ZNF431: variants seen among roughly 807,000 people sequenced by gnomAD.
ZNF431 encodes the protein zinc finger protein 431.
Under a neutral mutation model 57.0 loss-of-function variants are expected in ZNF431, and 34 were observed. That is an observed-to-expected ratio of 0.60 (90% confidence interval 0.45 to 0.79). ZNF431 has a LOEUF of 0.79. ZNF431 is among the 30% of genes least tolerant of loss of function. The probability of loss-of-function intolerance (pLI) is 0.00; values close to 1 mark genes in which losing one functional copy is unlikely to be tolerated. For synonymous variants in ZNF431, 207 were observed against 220.3 expected, an observed-to-expected ratio of 0.94 and a Z score of 0.54; for missense variants, 607 against 667.1, an observed-to-expected ratio of 0.91 and a Z score of 0.99.
chr19:21,177,477 T>C (rs1012872688), intron 4 of ZNF431, among the ~76,000 whole-genome samples: 19 of 152,174 alleles, frequency 1.2e-4, no homozygotes, highest in African/African-American at 4.3e-4. Flanking sequence ...TCCAGCTTTG[T>C]GTTTTTTGCC....
rs762889029 is a variant in ZNF431, at chr19:21,183,260, A to G, written c.957A>G (p.Glu319=). The G allele has an allele frequency of 1.2e-6, 2 of 1,613,988 alleles. No individual in the cohort carries two copies. Among genetic ancestry groups the G allele is most frequent in the Non-Finnish European group, 1.7e-6 (2 of 1,179,972 alleles). The change falls in exon 5 of 5, where the codon GAA becomes GAG. Residue 319 remains glutamate (E), a synonymous_variant. Coordinates refer to ENST00000311048, the MANE Select transcript of ZNF431 (RefSeq NM_133473.4). ...CTGGAGAGAAGCCCTACAAATGTGA[A>G]GAATGTGGCAAAGCTTTTAACCAGT... ...IHTGEKPYKC[E]ECGKAFNQSS... is the part of the protein sequence containing the mutation.
intron 2 of ZNF431, among the ~76,000 whole-genome samples, chr19:21,149,473 A>G (rs894381668): frequency 1.3e-5 from 2 of 152,170 alleles, no homozygotes; most frequent in African/African-American, 2.4e-5. Flanking sequence ...CGCTCTTACT[A>G]TTTTTAAACC....
chr19:21,171,712 ATTTTTTT>A (rs550012306), intron 4 of ZNF431, among the ~76,000 whole-genome samples: 14 of 90,908 alleles, frequency 1.5e-4, no homozygotes, highest in South Asian at 3.4e-4. Context: ...ATATATATAT[ATTTTTTT>A]TTTTTTTTTT....
Position 21,189,016 on chromosome 19 carries a change from AT to A in ZNF431, c.*4987del, listed in dbSNP as rs1568320721. The A allele has an allele frequency of 6.6e-6, 1 of 152,198 alleles. No homozygotes were observed. Among genetic ancestry groups the A allele is most frequent in the Admixed American group, 6.5e-5 (1 of 15,276 alleles). The allele number at this position is 152,198 out of a possible 1,614,324, so 9.4% of individuals were successfully genotyped here. A position where few individuals can be genotyped will look rare whatever the true frequency, so the allele number is the denominator to read the frequency against. ...GACAATAATAGCCCCAAAACTATAT[AT>A]TTTTGATACTATTTAACCAAGATTA... On this transcript the variant is annotated 3_prime_UTR_variant, in exon 5 of 5. Coordinates refer to ENST00000311048, the MANE Select transcript of ZNF431 (RefSeq NM_133473.4).
chr19:21,174,748 G>A (rs935380965), intron 4 of ZNF431, among the ~76,000 whole-genome samples: 2 of 151,942 alleles, frequency 1.3e-5, no homozygotes, highest in Non-Finnish European at 2.9e-5. Context: ...ATAAATGTAT[G>A]TATGTATGTA....
At chr19:21,182,538 A>G in intron 4 of ZNF431, 85 bp from the exon 5 acceptor site, 2 of 1,371,210 alleles carry the variant, frequency 1.5e-6, no homozygotes, top group Non-Finnish European at 2.0e-6. Flanking sequence ...TTGTTTATGT[A>G]GTTTGTATAA....
At chr19:21,168,136 CTA>C (rs1355050899) in intron 4 of ZNF431, among the ~76,000 whole-genome samples, 2 of 151,882 alleles carry the variant, frequency 1.3e-5, no homozygotes, top group African/African-American at 4.8e-5. Context: ...GTTTGTATTA[CTA>C]TAGTCTTAAA....
At position 21,187,837 on chromosome 19, in the gene ZNF431, T is replaced by C. The variant is rs937491837; in HGVS notation, c.*3803T>C. 5 of 152,236 alleles carry C rather than the reference T, an allele frequency of 3.3e-5. No homozygotes were observed. The highest frequency in any genetic ancestry group is 4.8e-5 in the African/African-American group (2 of 41,468). 9.4% of individuals were successfully genotyped at this position (152,236 alleles called of 1,614,324 possible). A position where few individuals can be genotyped will look rare whatever the true frequency, so the allele number is the denominator to read the frequency against. ...TCACAGCTATTCTTTTTCTGAGTTATAGCTACAGTTTTCTTACTGTTGTCT... is the reference window on the plus strand; with the variant it reads ...TCACAGCTATTCTTTTTCTGAGTTACAGCTACAGTTTTCTTACTGTTGTCT... On this transcript the variant is annotated 3_prime_UTR_variant, in exon 5 of 5. Coordinates refer to ENST00000311048, the MANE Select transcript of ZNF431 (RefSeq NM_133473.4).
At chr19:21,169,138 C>G (rs1420239773) in intron 4 of ZNF431, among the ~76,000 whole-genome samples, 2 of 152,058 alleles carry the variant, frequency 1.3e-5, no homozygotes, top group Admixed American at 6.6e-5. Flanking sequence ...TGGTCTTGAA[C>G]TCCTGACCTT....
chr19:21,182,892 A>G lies in ZNF431; in HGVS notation c.589A>G (p.Arg197Gly), dbSNP rs771337033. The change falls in exon 5 of 5, where the codon AGA (arginine) becomes GGA (glycine). Residue 197 changes from arginine to glycine, a missense_variant. Transcript: ENST00000311048. ...KFLNANRHKT[R>G]HTGKKPFKCK... ...TTTAAATGCAAATAGACATAAGACA[A>G]GACATACTGGAAAGAAACCTTTCAA... 2.5e-6 allele frequency: 4 copies of G among 1,614,076 alleles called. No individual in the cohort carries two copies. The highest frequency in any genetic ancestry group is 3.4e-6 in the Non-Finnish European group (4 of 1,179,956).
chr19:21,182,784 TATA>T lies in ZNF431; in HGVS notation c.484_486del (p.Asn162del). On this transcript the variant is annotated inframe_deletion, in exon 5 of 5. Transcript: ENST00000311048. ...TGAGTATAAGGTGCACAAAGAAGGT[TATA>T]ATGAGCTAAACCAGTGTTTGACAAC... 2 of 1,613,738 alleles carry T rather than the reference TATA, an allele frequency of 1.2e-6. No individual in the cohort carries two copies. The highest frequency in any genetic ancestry group is 1.7e-6 in the Non-Finnish European group (2 of 1,179,800).
rs1971235506 is a variant in ZNF431, at chr19:21,182,598, A to G, written c.320-25A>G. 3.2e-6 allele frequency: 5 copies of G among 1,563,234 alleles called. No individual in the cohort carries two copies. In the Admixed American group the frequency reaches 9.9e-5, roughly 31 times the overall value. On this transcript the variant is annotated intron_variant, in intron 4 of 4. Transcript: ENST00000311048. ...TTTATCAGAGTCTAGTAAGTTGAAT[A>G]ATTTGTTGTTTGTATTTCTTTCAGC...
chr19:21,156,432 T>A lies in ZNF431; in HGVS notation c.97-9903T>A, dbSNP rs117175309. On this transcript the variant is annotated intron_variant, in intron 2 of 4. Transcript: ENST00000311048. ...TGCAGCTTTGTTATATAGGTAAAAT[T>A]GTGTCATGGGAGTTTGGTGTAGATT... 8.5e-5 allele frequency among the ~76,000 whole-genome samples: 13 copies of A among 152,282 alleles called. No individual in the cohort carries two copies. The East Asian group carries it at 2.3e-3, about 27-fold the overall frequency.
At position 21,190,037 on chromosome 19, in the gene ZNF431, T is replaced by G. The variant is rs1290374626; in HGVS notation, c.*6003T>G. The G allele has an allele frequency of 2.6e-6, 1 of 384,044 alleles. No individual in the cohort carries two copies. Among genetic ancestry groups the G allele is most frequent in the Non-Finnish European group, 4.6e-6 (1 of 217,298 alleles). 23.8% of individuals were successfully genotyped at this position (384,044 alleles called of 1,614,324 possible). On this transcript the variant is annotated 3_prime_UTR_variant, in exon 5 of 5. Coordinates refer to ENST00000311048, the MANE Select transcript of ZNF431 (RefSeq NM_133473.4). ...AAAACACCTCAGCTGGGTGTGGTGG[T>G]GCAGGCCTGTAATCTCAGCTACTCC...
chr19:21,178,863 A>G (rs1351181215), intron 4 of ZNF431, among the ~76,000 whole-genome samples: 1 of 151,626 alleles, frequency 6.6e-6, no homozygotes, highest in Non-Finnish European at 1.5e-5. Context: ...CCAGGTCTTG[A>G]TATCAGGGTG....
chr19:21,158,992 TC>T (rs1277287330), intron 2 of ZNF431, among the ~76,000 whole-genome samples: 2 of 152,248 alleles, frequency 1.3e-5, no homozygotes, highest in Non-Finnish European at 2.9e-5. Flanking sequence ...GTATGTACCT[TC>T]AATGCCTAGT....
intron 2 of ZNF431, among the ~76,000 whole-genome samples, chr19:21,158,933 A>C (rs1479068256): frequency 6.6e-6 from 1 of 152,180 alleles, no homozygotes; most frequent in East Asian, 1.9e-4. Flanking sequence ...GCTTGTGTCC[A>C]TTCAGTATGT....
At chr19:21,149,653 C>T (rs922740226) in intron 2 of ZNF431, 16 of 493,020 alleles carry the variant, frequency 3.2e-5, no homozygotes, top group Non-Finnish European at 6.1e-5. Context: ...TACATTTAAC[C>T]CAGTTTAGTG....
At position 21,182,675 on chromosome 19, in the gene ZNF431, T is replaced by G. The variant is rs1379937953; in HGVS notation, c.372T>G (p.Asp124Glu). Residue 124 changes from aspartate to glutamate, a missense_variant, in exon 5 of 5, where the codon GAT (aspartate) becomes GAG (glutamate). Transcript: ENST00000311048. The stretch of plus-strand genomic sequence containing the variant: ...TTTGGCCAGAGCAAGACATAAAAGA[T>G]TCTTTTCAACAAGTAATACTGAGAA... Reference protein sequence around the residue: ...KDLWPEQDIKDSFQQVILRRY... With the variant: ...KDLWPEQDIKESFQQVILRRY... 3.1e-6 allele frequency: 5 copies of G among 1,612,904 alleles called. No homozygotes were observed. Among genetic ancestry groups the G allele is most frequent in the African/African-American group, 1.3e-5 (1 of 74,976 alleles).
Sources: allele counts gnomAD v4.1 joint callset (sites outside exome capture counted in the v4.1 genomes callset), GRCh38; gene constraint gnomAD v4.1.1; transcripts MANE v1.5; gene names NCBI Gene and HGNC (gene_info 2026-07-23, HGNC 2026-07-21).